APBA1: variants seen among roughly 807,000 people sequenced by gnomAD.
The protein encoded by APBA1 is amyloid beta precursor protein binding family A member 1.
In APBA1, 55 loss-of-function variants were observed where a neutral mutation model predicts 86.6. The ratio of observed to expected loss-of-function variants is 0.64; its 90% CI spans 0.51 to 0.80. APBA1 has a LOEUF of 0.80. Among genes scored for constraint, APBA1 ranks in the 30% least tolerant of loss-of-function variants. The probability of loss-of-function intolerance (pLI) is 0.00; values close to 1 mark genes in which losing one functional copy is unlikely to be tolerated. For missense variants in APBA1, 1,090 were observed against 1,183.0 expected, an observed-to-expected ratio of 0.92 and a Z score of 1.15; for synonymous variants, 511 against 493.9, an observed-to-expected ratio of 1.03 and a Z score of -0.46.
At position 69,664,258 on chromosome 9, in the gene APBA1, T is replaced by C. The variant is rs146638186; in HGVS notation, c.-70+7895A>G. Among the ~76,000 whole-genome samples the C allele has an allele frequency of 5.9e-5, 9 of 152,328 alleles. No homozygotes were observed. The East Asian group carries it at 1.7e-3, about 29-fold the overall frequency. The stretch of plus-strand genomic sequence containing the variant: ...ATTTTAACACCAATTGAAGTAAATA[T>C]TCCTGGGAAGGAGCTTTACAATTGC... On this transcript the variant is annotated intron_variant, in intron 1 of 12. Coordinates refer to ENST00000265381, the MANE Select transcript of APBA1 (RefSeq NM_001163.4).
At chr9:69,547,496 A>G (rs1224358860) in intron 1 of APBA1, among the ~76,000 whole-genome samples, 1 of 152,164 alleles carries the variant, frequency 6.6e-6, no homozygotes, top group Non-Finnish European at 1.5e-5. Flanking sequence ...CCCTAGCTGC[A>G]AGGAAAACTT....
At chr9:69,551,261 T>A (rs994365725) in intron 1 of APBA1, among the ~76,000 whole-genome samples, 30 of 152,106 alleles carry the variant, frequency 2.0e-4, no homozygotes, top group Non-Finnish European at 3.8e-4. Context: ...TTTTAAAAAG[T>A]AAAATAATCT....
At position 69,565,682 on chromosome 9, in the gene APBA1, CGTCCA is replaced by C. The variant is rs1224205433; in HGVS notation, c.-69-48408_-69-48404del. Among the ~76,000 whole-genome samples, 4 of 152,304 alleles carry C rather than the reference CGTCCA, an allele frequency of 2.6e-5. No individual in the cohort carries two copies. The East Asian group carries it at 7.7e-4, about 29-fold the overall frequency. The stretch of plus-strand genomic sequence containing the variant: ...GTTCATCCTCCCCTCTTATTCTCCG[CGTCCA>C]GTCAATTGTCCAGTCCTGTGGCTCT... On this transcript the variant is annotated intron_variant, in intron 1 of 12. Transcript: ENST00000265381.
intron 2 of APBA1, among the ~76,000 whole-genome samples, chr9:69,497,791 C>T (rs1470403669): frequency 7.9e-5 from 12 of 152,216 alleles, no homozygotes; most frequent in South Asian, 4.1e-4. Flanking sequence ...TTCCCTTTTA[C>T]GCCACTTTGG....
intron 1 of APBA1, among the ~76,000 whole-genome samples, chr9:69,525,131 A>C (rs1836321333): frequency 6.6e-6 from 1 of 152,184 alleles, no homozygotes; most frequent in Non-Finnish European, 1.5e-5. Context: ...CATCATACTA[A>C]ATGGGCAAAA....
chr9:69,636,302 T>C (rs1244391372), intron 1 of APBA1, among the ~76,000 whole-genome samples: 1 of 152,240 alleles, frequency 6.6e-6, no homozygotes, highest in Non-Finnish European at 1.5e-5. Context: ...TTGAGGGGAC[T>C]GTAAATTAAT....
In APBA1 at chr9:69,452,163, C is replaced by T. The variant is rs140108483; in HGVS notation, c.1927G>A (p.Asp643Asn). 19 of 1,614,218 alleles carry T rather than the reference C, an allele frequency of 1.2e-5. No individual in the cohort carries two copies. Among genetic ancestry groups the T allele is most frequent in the Middle Eastern group, 1.6e-4 (1 of 6,062 alleles). ...DLLNTQDMYN[D>N]DLIHFSKSEN... ...GACTTGGAGAAGTGGATCAGGTCATCGTTGTACATGTCCTGGGTATTGAGC... is the reference window on the plus strand; with the variant it reads ...GACTTGGAGAAGTGGATCAGGTCATTGTTGTACATGTCCTGGGTATTGAGC... Residue 643 changes from aspartate to asparagine, a missense_variant, in exon 9 of 13, where the codon GAT (aspartate) becomes AAT (asparagine). Transcript: ENST00000265381.
At chr9:69,494,271 C>T (rs1265857699) in intron 2 of APBA1, 2 of 151,950 alleles carry the variant, frequency 1.3e-5, no homozygotes, top group South Asian at 4.1e-4. Context: ...CATTTTTGTT[C>T]TCTCTTTTCC....
At chr9:69,568,302 T>G (rs72719029) in intron 1 of APBA1, among the ~76,000 whole-genome samples, 1 of 151,880 alleles carries the variant, frequency 6.6e-6, no homozygotes, top group Non-Finnish European at 1.5e-5. Flanking sequence ...AGATCCAGAG[T>G]TTTCTCTTCA....
chr9:69,602,533 T>C (rs1822372574), intron 1 of APBA1, among the ~76,000 whole-genome samples: 1 of 151,674 alleles, frequency 6.6e-6, no homozygotes. Context: ...ATCGCGCCAC[T>C]GCATTCCAGC....
intron 2 of APBA1, 82 bp from the exon 3 acceptor site, chr9:69,476,225 G>A: frequency 1.0e-6 from 1 of 989,696 alleles, no homozygotes; most frequent in Non-Finnish European, 1.5e-6. Context: ...CCGGGAGAGA[G>A]AAGCAAAGCA....
chr9:69,456,259 G>A lies in APBA1; in HGVS notation c.1776C>T (p.Phe592=), dbSNP rs112803189. The change falls in exon 8 of 13, where the codon TTC becomes TTT. Residue 592 remains phenylalanine (F), a synonymous_variant. Coordinates refer to ENST00000265381, the MANE Select transcript of APBA1 (RefSeq NM_001163.4). The part of the protein sequence containing the change: ...KRQYKMICHV[F]ESEDAQLIAQ... ...AAGCAACCCTTACATCCTCAGACTC[G>A]AAGACGTGGCAGATCATCTTGTACT... 33 of 1,614,230 alleles carry A rather than the reference G, an allele frequency of 2.0e-5. 1 individual carries two copies. The highest frequency in any genetic ancestry group is 2.0e-4 in the South Asian group (18 of 91,086).
At chr9:69,652,760 G>A (rs557749786) in intron 1 of APBA1, among the ~76,000 whole-genome samples, 39 of 152,324 alleles carry the variant, frequency 2.6e-4, no homozygotes, top group African/African-American at 9.4e-4. Flanking sequence ...GGAGGCCAAG[G>A]CGGGTGGATC....
At position 69,552,385 on chromosome 9, in the gene APBA1, A is replaced by C. The variant is rs113195072; in HGVS notation, c.-69-35106T>G. Among the ~76,000 whole-genome samples the C allele has an allele frequency of 3.9e-5, 6 of 152,312 alleles. No individual in the cohort carries two copies. In the East Asian group the frequency reaches 9.6e-4, roughly 24 times the overall value. On this transcript the variant is annotated intron_variant, in intron 1 of 12. Coordinates refer to ENST00000265381, the MANE Select transcript of APBA1 (RefSeq NM_001163.4). Reference sequence around the variant, plus strand: ...GCTAATGGCTCATTATTTATGTATAAAATGAAGATGTCCTGCACGAAAATC... The same window carrying C: ...GCTAATGGCTCATTATTTATGTATACAATGAAGATGTCCTGCACGAAAATC...
At chr9:69,501,107 T>C (rs1835873758) in intron 2 of APBA1, among the ~76,000 whole-genome samples, 1 of 152,014 alleles carries the variant, frequency 6.6e-6, no homozygotes, top group African/African-American at 2.4e-5. Flanking sequence ...CAGCTAGGCA[T>C]GTCAAGCTGA....
intron 2 of APBA1, among the ~76,000 whole-genome samples, chr9:69,482,734 C>T (rs1835536005): frequency 6.6e-6 from 1 of 151,624 alleles, no homozygotes; most frequent in African/African-American, 2.4e-5. Flanking sequence ...AAATGTCCAA[C>T]AAATGATATA....
At chr9:69,556,813 G>T (rs1278401466) in intron 1 of APBA1, among the ~76,000 whole-genome samples, 2 of 152,148 alleles carry the variant, frequency 1.3e-5, no homozygotes, top group Non-Finnish European at 2.9e-5. Flanking sequence ...CGTGGAAAAG[G>T]AAATTAGCAA....
At chr9:69,447,754 G>C (rs1202870559) in intron 10 of APBA1, among the ~76,000 whole-genome samples, 1 of 152,108 alleles carries the variant, frequency 6.6e-6, no homozygotes, top group Non-Finnish European at 1.5e-5. Context: ...CCCACAGAAT[G>C]CTGCCCCGAA....
At chr9:69,583,248 C>G (rs950033692) in intron 1 of APBA1, among the ~76,000 whole-genome samples, 1 of 152,212 alleles carries the variant, frequency 6.6e-6, no homozygotes, top group Admixed American at 6.5e-5. Flanking sequence ...ACCCAGTCCA[C>G]CACCACTGTT....
Sources: gnomAD v4.1 joint callset for allele counts (sites outside exome capture counted in the v4.1 genomes callset) on GRCh38, gnomAD v4.1.1 for gene constraint, MANE v1.5 for transcripts, NCBI Gene and HGNC (gene_info 2026-07-23, HGNC 2026-07-21) for gene names.